The following GRM7 variants were observed in gnomAD, a reference collection of about 807,000 sequenced individuals.
The protein encoded by GRM7 is metabotropic glutamate receptor 7.
GRM7 carries 35 observed loss-of-function variants against 84.5 expected under a neutral mutation model. The ratio of observed to expected loss-of-function variants is 0.41; its 90% CI spans 0.32 to 0.55. The LOEUF is 0.55. Ranked by LOEUF, GRM7 falls within the 20% of genes least tolerant of loss-of-function variation. The pLI is 0.19. For synonymous variants in GRM7, 487 were observed against 455.1 expected (o/e 1.07, Z -0.89); for missense variants, 1,003 against 1,194.6 (o/e 0.84, Z 2.36).
chr3:7,511,099 G>A (rs1700185224), intron 7 of GRM7, among the ~76,000 whole-genome samples: 1 of 152,082 alleles, frequency 6.6e-6, no homozygotes, highest in Non-Finnish European at 1.5e-5. Flanking sequence ...ATTACTTGGG[G>A]TGTCACCAGC....
At chr3:7,138,052 C>A (rs1363939280) in intron 1 of GRM7, among the ~76,000 whole-genome samples, 1 of 151,854 alleles carries the variant, frequency 6.6e-6, no homozygotes. Context: ...AAAAATATTC[C>A]TGTGTTTCTA....
intron 8 of GRM7, among the ~76,000 whole-genome samples, chr3:7,644,145 T>A (rs1167550821): frequency 7.1e-6 from 1 of 140,660 alleles, no homozygotes; most frequent in East Asian, 2.0e-4. Flanking sequence ...TGTATATATA[T>A]GTCTGTACGT....
intron 1 of GRM7, among the ~76,000 whole-genome samples, chr3:6,931,715 T>G (rs1000401542): frequency 1.3e-5 from 2 of 152,212 alleles, no homozygotes; most frequent in Non-Finnish European, 2.9e-5. Context: ...ATATGTTTAT[T>G]TGTGTATTTA....
At chr3:7,350,596 A>T (rs1327021341) in intron 4 of GRM7, among the ~76,000 whole-genome samples, 7 of 152,106 alleles carry the variant, frequency 4.6e-5, no homozygotes, top group Non-Finnish European at 7.4e-5. Context: ...TAAATTTCCC[A>T]TTCTCAGGCA....
Position 7,151,089 on chromosome 3 carries a change from GTAAT to G in GRM7, c.736+4424_736+4427del, listed in dbSNP as rs1321782827. 5.3e-5 allele frequency among the ~76,000 whole-genome samples: 8 copies of G among 151,976 alleles called. No homozygotes were observed. Among genetic ancestry groups the G allele is most frequent in the Non-Finnish European group, 7.4e-5 (5 of 67,994 alleles). ...GTTGTATTTCAATTGTTCTTATAAA[GTAAT>G]TATTATTATTCAGATAAACTCTAGA... On this transcript the variant is annotated intron_variant, in intron 2 of 9. Transcript: ENST00000357716. The surrounding 1 kb of genome is among the most constrained non-coding windows in gnomAD (Gnocchi z 4.5).
At chr3:7,282,382 C>G (rs764614804) in intron 2 of GRM7, among the ~76,000 whole-genome samples, 120 of 152,294 alleles carry the variant, frequency 7.9e-4, no homozygotes, top group Non-Finnish European at 1.2e-3. Flanking sequence ...GAGGCTGCTG[C>G]CATGCCTTGG....
chr3:7,654,820 T>C (rs372487162), intron 8 of GRM7, among the ~76,000 whole-genome samples: 1 of 152,344 alleles, frequency 6.6e-6, no homozygotes, highest in East Asian at 1.9e-4. Flanking sequence ...ATACTATCCA[T>C]AACTTAACTC....
chr3:6,950,009 C>T (rs533079640), intron 1 of GRM7, among the ~76,000 whole-genome samples: 96 of 152,158 alleles, frequency 6.3e-4, no homozygotes, highest in Non-Finnish European at 1.1e-3. Context: ...GAACTTCCTT[C>T]TTTAGCTCGG....
At chr3:6,907,456 G>T (rs535398300) in intron 1 of GRM7, among the ~76,000 whole-genome samples, 71 of 152,242 alleles carry the variant, frequency 4.7e-4, no homozygotes, top group Non-Finnish European at 9.0e-4. Flanking sequence ...AAGAAGCGGT[G>T]CTTTAACAGC....
chr3:6,942,274 G>C (rs1697920579), intron 1 of GRM7, among the ~76,000 whole-genome samples: 1 of 151,884 alleles, frequency 6.6e-6, no homozygotes, highest in Non-Finnish European at 1.5e-5. Flanking sequence ...TATCTAAAGG[G>C]CTTATTTTTA....
intron 2 of GRM7, among the ~76,000 whole-genome samples, chr3:7,268,507 G>A (rs1244676284): frequency 6.6e-6 from 1 of 152,058 alleles, no homozygotes; most frequent in Non-Finnish European, 1.5e-5. Context: ...AACTCACAAT[G>A]GATGTGTCAA....
chr3:7,738,360 CT>C (rs1165460609), intron 9 of GRM7, among the ~76,000 whole-genome samples: 3 of 152,114 alleles, frequency 2.0e-5, no homozygotes, highest in Non-Finnish European at 2.9e-5. Context: ...CAGACCCCTC[CT>C]ATGTAAAATG....
chr3:7,581,550 C>A (rs921661821), intron 8 of GRM7, among the ~76,000 whole-genome samples: 3 of 152,124 alleles, frequency 2.0e-5, no homozygotes, highest in Non-Finnish European at 4.4e-5. Flanking sequence ...GAAACTATAG[C>A]ATTTAAAATG....
chr3:7,599,429 T>G (rs1423255081), intron 8 of GRM7, among the ~76,000 whole-genome samples: 1 of 152,136 alleles, frequency 6.6e-6, no homozygotes, highest in Non-Finnish European at 1.5e-5. Flanking sequence ...TTTTTAAGCT[T>G]TAGTCCCTGT....
intron 8 of GRM7, chr3:7,636,293 G>C: frequency 2.2e-6 from 1 of 456,654 alleles, no homozygotes; most frequent in Non-Finnish European, 4.4e-6. Flanking sequence ...TAATGGAGAC[G>C]CAGCAATGAC....
At chr3:7,690,780 A>C (rs192642289) in intron 9 of GRM7, among the ~76,000 whole-genome samples, 21 of 152,346 alleles carry the variant, frequency 1.4e-4, no homozygotes, top group African/African-American at 5.1e-4. Context: ...AAACACAAAA[A>C]CATAAGCAAT....
At chr3:7,322,664 T>C (rs1331171493) in intron 4 of GRM7, among the ~76,000 whole-genome samples, 2 of 152,004 alleles carry the variant, frequency 1.3e-5, no homozygotes, top group African/African-American at 4.8e-5. Flanking sequence ...TATTTGTTTT[T>C]CCATTCCTGA....
chr3:7,497,399 C>T lies in GRM7; in HGVS notation c.1515+35677C>T, dbSNP rs570007911. ...GGAGTATAAGCCCACCCATTATGTT[C>T]CATGAATTCTTCCTTCCATGATCAA... On this transcript the variant is annotated intron_variant, in intron 7 of 9. Transcript: ENST00000357716. 5.3e-5 allele frequency among the ~76,000 whole-genome samples: 8 copies of T among 152,260 alleles called. No individual in the cohort carries two copies. The South Asian group carries it at 1.0e-3, about 20-fold the overall frequency.
At chr3:7,123,885 GGGGTCTCCAT>G (rs1693307931) in intron 1 of GRM7, among the ~76,000 whole-genome samples, 1 of 152,162 alleles carries the variant, frequency 6.6e-6, no homozygotes, top group South Asian at 2.1e-4. Flanking sequence ...TCCTGAGTTT[GGGGTCTCCAT>G]TGTGTTCAGT....
Sources: allele counts gnomAD v4.1 joint callset (sites outside exome capture counted in the v4.1 genomes callset), GRCh38; gene constraint gnomAD v4.1.1; non-coding constraint Gnocchi (gnomAD v3.1); transcripts MANE v1.5; gene names NCBI Gene and HGNC (gene_info 2026-07-23, HGNC 2026-07-21).